Variants in UBE2Q2 observed in about 807,000 individuals in gnomAD.
UBE2Q2 encodes the protein ubiquitin conjugating enzyme E2 Q2, also known as ubiquitin-conjugating enzyme E2 Q2.
In UBE2Q2, 54 loss-of-function variants were observed where a neutral mutation model predicts 59.9. The ratio of observed to expected loss-of-function variants is 0.90; its 90% confidence interval spans 0.72 to 1.13. The LOEUF (loss-of-function observed/expected upper bound fraction) is 1.13. Among genes scored for constraint, UBE2Q2 ranks in the 50% most tolerant of loss-of-function variants. The pLI is 0.00. For missense variants in UBE2Q2, 433 were observed against 441.9 expected, an observed-to-expected ratio of 0.98 and a Z score of 0.18; for synonymous variants, 165 against 155.2, an observed-to-expected ratio of 1.06 and a Z score of -0.47.
intron 3 of UBE2Q2, among the ~76,000 whole-genome samples, chr15:75,864,359 C>G (rs1649262661): frequency 6.6e-6 from 1 of 152,016 alleles, no homozygotes; most frequent in Non-Finnish European, 1.5e-5. Flanking sequence ...CTGGTTTTCA[C>G]AACTGGTCAT....
At chr15:75,869,152 A>C in intron 4 of UBE2Q2, 142 bp downstream of exon 4, 1 of 703,628 alleles carries the variant, frequency 1.4e-6, no homozygotes, top group South Asian at 2.0e-5. Flanking sequence ...TAATTTCCCA[A>C]CTCTGGCTTT....
intron 4 of UBE2Q2, among the ~76,000 whole-genome samples, chr15:75,871,246 G>A (rs973023064): frequency 2.0e-5 from 3 of 152,222 alleles, no homozygotes; most frequent in Non-Finnish European, 4.4e-5. Context: ...GCCCTAAGGC[G>A]GTTTTTCCCT....
chr15:75,848,299 A>G (rs183036099), intron 1 of UBE2Q2, among the ~76,000 whole-genome samples: 3 of 152,356 alleles, frequency 2.0e-5, no homozygotes, highest in African/African-American at 7.2e-5. Context: ...GCATTTTTCT[A>G]GTCTTTACTA....
chr15:75,856,279 A>G (rs1372163351), intron 2 of UBE2Q2, among the ~76,000 whole-genome samples: 8,864 of 146,234 alleles, frequency 0.061, 675 homozygotes, highest in African/African-American at 0.18. Context: ...GTATATATAT[A>G]TATATATATA....
intron 4 of UBE2Q2, among the ~76,000 whole-genome samples, chr15:75,870,893 T>C (rs896016491): frequency 2.0e-5 from 3 of 152,162 alleles, no homozygotes; most frequent in African/African-American, 7.2e-5. Context: ...TGGGTGTTTC[T>C]CGTTAGGTGG....
intron 1 of UBE2Q2, among the ~76,000 whole-genome samples, chr15:75,851,855 T>C (rs762531986): frequency 1.3e-5 from 2 of 152,116 alleles, no homozygotes; most frequent in Non-Finnish European, 2.9e-5. Flanking sequence ...GTAGTAAAAT[T>C]TTCACTGCTT....
At chr15:75,851,957 C>T (rs1324159791) in intron 1 of UBE2Q2, among the ~76,000 whole-genome samples, 3 of 152,206 alleles carry the variant, frequency 2.0e-5, no homozygotes, top group African/African-American at 7.2e-5. Flanking sequence ...AGTGGAGACT[C>T]GACCTTCTGG....
intron 8 of UBE2Q2, 121 bp from the exon 9 acceptor site, chr15:75,883,245 C>T: frequency 2.1e-6 from 2 of 930,368 alleles, no homozygotes; most frequent in South Asian, 3.7e-5. Flanking sequence ...AATTTTATGA[C>T]TCTTACCCAT....
intron 9 of UBE2Q2, among the ~76,000 whole-genome samples, chr15:75,883,846 ACACACACACACACAC>A (rs1898599015): frequency 5.3e-4 from 1 of 1,886 alleles, no homozygotes; most frequent in South Asian, 0.1. Flanking sequence ...ACATACACAC[ACACACACACACACAC>A]ACACGTATAT....
chr15:75,844,188 C>CCGGGGCGGGG lies in UBE2Q2; in HGVS notation c.180+356_180+365dup, dbSNP rs534143228. The CCGGGGCGGGG allele has an allele frequency of 1.7e-3, 2,388 of 1,445,748 alleles. 81 individuals carry two copies. In the East Asian group the frequency reaches 0.054, roughly 33 times the overall value. The allele number at this position is 1,445,748 out of a possible 1,614,324, so 89.6% of individuals were successfully genotyped here. On this transcript the variant is annotated intron_variant, in intron 1 of 12. Transcript: ENST00000267938. Reference sequence around the variant, plus strand: ...GCCCTCAGCCGGCCTGCTCCCGGGACCGGGGCGGGGCGGGGCGGGGCGGCG... The same window carrying CCGGGGCGGGG: ...GCCCTCAGCCGGCCTGCTCCCGGGACCGGGGCGGGGCGGGGCGGGGCGGGGCGGGGCGGCG...
chr15:75,884,409 A>G (rs554123433), intron 9 of UBE2Q2, among the ~76,000 whole-genome samples: 21 of 152,296 alleles, frequency 1.4e-4, no homozygotes, highest in Non-Finnish European at 2.5e-4. Context: ...ATTTTTAGTT[A>G]TATTTGCTTT....
chr15:75,898,690 G>A (rs1206564293), intron 12 of UBE2Q2, among the ~76,000 whole-genome samples: 1 of 152,178 alleles, frequency 6.6e-6, no homozygotes. Flanking sequence ...GTGAAATGAC[G>A]TTATGGCTCC....
chr15:75,900,539 T>G lies in UBE2Q2; in HGVS notation c.*1081T>G, dbSNP rs1362097937. 6.8e-6 allele frequency: 1 copy of G among 147,260 alleles called. No homozygotes were observed. Among genetic ancestry groups the G allele is most frequent in the Non-Finnish European group, 1.5e-5 (1 of 66,966 alleles). The allele number at this position is 147,260 out of a possible 1,614,324, so 9.1% of individuals were successfully genotyped here. On this transcript the variant is annotated 3_prime_UTR_variant, in exon 13 of 13. Transcript: ENST00000267938. ...TTTTTTTATACACCCACGTTTGATT[T>G]AAAAGTAAATTCTAGTTCTTAAGCA... is the stretch of plus-strand genomic sequence containing the variant.
At chr15:75,857,081 C>G (rs1034114205) in intron 2 of UBE2Q2, among the ~76,000 whole-genome samples, 1 of 152,136 alleles carries the variant, frequency 6.6e-6, no homozygotes, top group Non-Finnish European at 1.5e-5. Flanking sequence ...GGCAACATAG[C>G]AAGACCCTCT....
At chr15:75,871,821 T>C (rs1968623) in intron 4 of UBE2Q2, among the ~76,000 whole-genome samples, 149,889 of 152,334 alleles carry the variant, frequency 0.98, 73,784 homozygotes, top group East Asian at 1. Context: ...CTTTTCCCCA[T>C]AATTATTGAT....
Position 75,854,260 on chromosome 15 carries a change from G to A in UBE2Q2, c.181-126G>A, listed in dbSNP as rs1333795036. On this transcript the variant is annotated intron_variant, in intron 1 of 12. Transcript: ENST00000267938. ...CAGCTCCTCACAAGGTTTTTAATAT[G>A]TTGCCTTTTCCCCCCATACATTTTG... 4 of 611,404 alleles carry A rather than the reference G, an allele frequency of 6.5e-6. No individual in the cohort carries two copies. The East Asian group carries it at 9.2e-5, about 14-fold the overall frequency. 37.9% of individuals were successfully genotyped at this position (611,404 alleles called of 1,614,324 possible).
At chr15:75,890,613 ACTTTC>A in intron 10 of UBE2Q2, 130 bp downstream of exon 10, 1 of 796,294 alleles carries the variant, frequency 1.3e-6, no homozygotes, top group Admixed American at 3.0e-5. Flanking sequence ...AATAGCGTCT[ACTTTC>A]AAGAATGAAA....
At chr15:75,858,448 G>A (rs529576645) in intron 2 of UBE2Q2, among the ~76,000 whole-genome samples, 10 of 152,196 alleles carry the variant, frequency 6.6e-5, no homozygotes, top group Non-Finnish European at 1.5e-4. Flanking sequence ...CTGTCTTAGC[G>A]TTCTTTTATA....
At chr15:75,899,199 TG>T (rs752173385) in intron 12 of UBE2Q2, among the ~76,000 whole-genome samples, 12 of 150,776 alleles carry the variant, frequency 8.0e-5, no homozygotes, top group East Asian at 3.9e-4. Flanking sequence ...TTGCTTGATC[TG>T]GGAGGTGGAG....
Sources: allele counts gnomAD v4.1 joint callset (sites outside exome capture counted in the v4.1 genomes callset), GRCh38; gene constraint gnomAD v4.1.1; transcripts MANE v1.5; gene names NCBI Gene and HGNC (gene_info 2026-07-23, HGNC 2026-07-21).